CDK15: variants seen among roughly 807,000 people sequenced by gnomAD.
CDK15 encodes cyclin dependent kinase 15, also known as cyclin-dependent kinase 15.
Under a neutral mutation model 60.3 loss-of-function variants are expected in CDK15, and 62 were observed. The observed-to-expected ratio is 1.03, with a 90% CI of 0.84 to 1.27. CDK15 has a LOEUF of 1.27. Ranked by LOEUF, CDK15 falls within the 50% of genes most tolerant of loss-of-function variation. The probability of loss-of-function intolerance (pLI) is 0.00; values close to 1 mark genes in which losing one functional copy is unlikely to be tolerated. For synonymous variants in CDK15, 194 were observed against 195.7 expected (o/e 0.99, Z 0.07); for missense variants, 541 against 527.8 (o/e 1.03, Z -0.25).
At chr2:201,867,667 G>C (rs1397699530) in intron 10 of CDK15, among the ~76,000 whole-genome samples, 2 of 152,002 alleles carry the variant, frequency 1.3e-5, no homozygotes, top group Admixed American at 1.3e-4. Flanking sequence ...AGTACAATAA[G>C]TAACCAATGT....
At position 201,854,814 on chromosome 2, in the gene CDK15, T is replaced by A. The variant is rs1369035955; in HGVS notation, c.946-60T>A. ...GATTTGTCCTGCATGTCTCCATACC[T>A]CTTCCATCCACCTCATCTCCCCACC... On this transcript the variant is annotated intron_variant, in intron 9 of 13. Coordinates refer to ENST00000652192, the MANE Select transcript of CDK15 (RefSeq NM_001366386.2). 4.1e-6 allele frequency: 6 copies of A among 1,452,138 alleles called. No individual in the cohort carries two copies. The East Asian group carries it at 1.4e-4, about 33-fold the overall frequency. 90.0% of individuals were successfully genotyped at this position (1,452,138 alleles called of 1,614,324 possible).
Position 201,894,075 on chromosome 2 carries a change from A to AC in CDK15, c.*809dup, listed in dbSNP as rs1359228688. On this transcript the variant is annotated 3_prime_UTR_variant, in exon 14 of 14. Coordinates refer to ENST00000652192, the MANE Select transcript of CDK15 (RefSeq NM_001366386.2). ...GTAATTTAAGCCCTGTTGCACCACC[A>AC]CACACACACACACACACACACACAC... 21 of 12,502 alleles carry AC rather than the reference A, an allele frequency of 1.7e-3. No homozygotes were observed. The highest frequency in any genetic ancestry group is 8.1e-3 in the East Asian group (1 of 124). 0.8% of individuals were successfully genotyped at this position (12,502 alleles called of 1,614,324 possible).
intron 3 of CDK15, among the ~76,000 whole-genome samples, chr2:201,811,813 G>A (rs909523259): frequency 1.3e-5 from 2 of 152,176 alleles, no homozygotes; most frequent in African/African-American, 4.8e-5. Context: ...TGAAAAGTAT[G>A]CCTCCAACTA....
At chr2:201,816,620 C>T (rs2106160663) in intron 4 of CDK15, among the ~76,000 whole-genome samples, 1 of 152,040 alleles carries the variant, frequency 6.6e-6, no homozygotes, top group South Asian at 2.1e-4. Flanking sequence ...GTCTTTTTGA[C>T]AGAACGATTT....
chr2:201,887,661 G>T (rs1381056653), intron 12 of CDK15, among the ~76,000 whole-genome samples: 1 of 152,104 alleles, frequency 6.6e-6, no homozygotes, highest in African/African-American at 2.4e-5. Context: ...TATAAATTTG[G>T]TCCTGGGAGA....
intron 9 of CDK15, among the ~76,000 whole-genome samples, chr2:201,852,632 C>G (rs1697961973): frequency 6.6e-6 from 1 of 152,180 alleles, no homozygotes; most frequent in African/African-American, 2.4e-5. Context: ...CCCCTTCAGA[C>G]CACTGTGGTT....
At chr2:201,864,455 T>A (rs1456121778) in intron 10 of CDK15, among the ~76,000 whole-genome samples, 1 of 152,176 alleles carries the variant, frequency 6.6e-6, no homozygotes, top group Non-Finnish European at 1.5e-5. Context: ...GTAGCTGGGA[T>A]AACAGGTGTG....
chr2:201,861,844 A>G (rs1698415333), intron 10 of CDK15, among the ~76,000 whole-genome samples: 1 of 152,118 alleles, frequency 6.6e-6, no homozygotes, highest in African/African-American at 2.4e-5. Context: ...TACAGGTGTG[A>G]GCCACTGCCT....
At chr2:201,816,024 T>C (rs1695975193) in intron 4 of CDK15, among the ~76,000 whole-genome samples, 1 of 152,226 alleles carries the variant, frequency 6.6e-6, no homozygotes. Context: ...TGGAAATGCT[T>C]AACTAAAGTA....
At chr2:201,818,654 C>A (rs1351382395) in intron 4 of CDK15, among the ~76,000 whole-genome samples, 1 of 152,208 alleles carries the variant, frequency 6.6e-6, no homozygotes, top group East Asian at 1.9e-4. Flanking sequence ...TAAACATCAT[C>A]TGCTCTTTCA....
At chr2:201,861,554 T>C (rs1698393788) in intron 10 of CDK15, 1 of 970,540 alleles carries the variant, frequency 1.0e-6, no homozygotes, top group Admixed American at 6.2e-5. Flanking sequence ...TTGGTTTGTT[T>C]TTTTTTTTTT....
At chr2:201,830,001 T>G (rs2105730348) in intron 6 of CDK15, among the ~76,000 whole-genome samples, 1 of 152,190 alleles carries the variant, frequency 6.6e-6, no homozygotes, top group South Asian at 2.1e-4. Flanking sequence ...AGAGACGGGG[T>G]TTCACCATGT....
chr2:201,872,347 GGAT>G, intron 11 of CDK15, 21 bp downstream of exon 11: 1 of 1,360,168 alleles, frequency 7.4e-7, no homozygotes. Flanking sequence ...CCTCAGGAAG[GGAT>G]CTTTAAGGGA....
intron 11 of CDK15, among the ~76,000 whole-genome samples, chr2:201,874,590 A>T (rs1440846463): frequency 1.3e-5 from 2 of 152,148 alleles, no homozygotes; most frequent in Non-Finnish European, 2.9e-5. Context: ...CAGGTTGCAG[A>T]TGTGGCGAGT....
In CDK15 at chr2:201,847,379, AG is replaced by A; in HGVS notation, c.854del. On this transcript the variant is annotated splice_acceptor_variant, in intron 8 of 13. Transcript: ENST00000652192. LOFTEE classifies it high-confidence loss of function. ...TCAATTTACTCTTATTTCATTTGCT[AG>A]GGGTGCAGGCTGCATCTTTATTGAA... 2 of 1,612,946 alleles carry A rather than the reference AG, an allele frequency of 1.2e-6. No individual in the cohort carries two copies. Among genetic ancestry groups the A allele is most frequent in the South Asian group, 2.2e-5 (2 of 90,794 alleles).
chr2:201,861,331 A>G (rs896271123), intron 10 of CDK15: 1 of 988,626 alleles, frequency 1.0e-6, no homozygotes, highest in Middle Eastern at 5.2e-4. Flanking sequence ...ATGAGGAAAC[A>G]GAGGCTTTCT....
chr2:201,873,818 C>T (rs1158906235), intron 11 of CDK15, among the ~76,000 whole-genome samples: 3 of 152,132 alleles, frequency 2.0e-5, no homozygotes, highest in Admixed American at 6.5e-5. Context: ...TTTGGGAGGA[C>T]GAGGTGGGCA....
chr2:201,864,202 T>C (rs995784144), intron 10 of CDK15, among the ~76,000 whole-genome samples: 3 of 152,144 alleles, frequency 2.0e-5, no homozygotes, highest in African/African-American at 7.2e-5. Flanking sequence ...TGGGGATCTT[T>C]AAGAAACTAG....
chr2:201,864,503 A>C (rs1698530613), intron 10 of CDK15, among the ~76,000 whole-genome samples: 1 of 152,130 alleles, frequency 6.6e-6, no homozygotes, highest in African/African-American at 2.4e-5. Flanking sequence ...TTTTTAGTAG[A>C]GACGGGGGTT....
Sources: allele counts gnomAD v4.1 joint callset (sites outside exome capture counted in the v4.1 genomes callset), GRCh38; gene constraint gnomAD v4.1.1; transcripts MANE v1.5; gene names NCBI Gene and HGNC (gene_info 2026-07-23, HGNC 2026-07-21).